Variants in ASB18 observed in about 807,000 individuals in gnomAD.
ASB18 encodes ankyrin repeat and SOCS box containing 18, also known as ankyrin repeat and SOCS box protein 18.
ASB18 carries 33 observed loss-of-function variants against 33.4 expected under a neutral mutation model. The ratio of observed to expected loss-of-function variants is 0.99; its 90% CI spans 0.75 to 1.32. The LOEUF (loss-of-function observed/expected upper bound fraction) is 1.32, where lower values mean the gene tolerates loss of function less well. Ranked by LOEUF, ASB18 falls within the 40% of genes most tolerant of loss-of-function variation. ASB18 has a pLI of 0.00. For missense variants in ASB18, 694 were observed against 655.5 expected (o/e 1.06, Z -0.64); for synonymous variants, 295 against 307.6 (o/e 0.96, Z 0.43).
At position 236,219,521 on chromosome 2, in the gene ASB18, C is replaced by T. The variant is rs1222132818; in HGVS notation, c.597-4655G>A. 1.3e-5 allele frequency among the ~76,000 whole-genome samples: 2 copies of T among 152,092 alleles called. No individual in the cohort carries two copies. The highest frequency in any genetic ancestry group is 2.9e-5 in the Non-Finnish European group (2 of 68,020). ...AGAGGCCTGGGCTGGCTGGGAGCTA[C>T]TCAGTGATAACAATCGTGGGGACCT... is the stretch of plus-strand genomic sequence containing the variant. On this transcript the variant is annotated intron_variant, in intron 3 of 5. Coordinates refer to ENST00000409749, the MANE Select transcript of ASB18 (RefSeq NM_212556.4). This position sits in a 1 kb window ranked among gnomAD's most constrained non-coding sequence, Gnocchi z 6.4.
intron 1 of ASB18, among the ~76,000 whole-genome samples, chr2:236,261,983 T>G (rs1285704874): frequency 6.6e-6 from 1 of 152,056 alleles, no homozygotes; most frequent in African/African-American, 2.4e-5. Flanking sequence ...CCACAACACG[T>G]GGGAATTGTG....
In ASB18 at chr2:236,245,011, T is replaced by C. The variant is rs1264678568; in HGVS notation, c.206-3609A>G. 6.6e-6 allele frequency among the ~76,000 whole-genome samples: 1 copy of C among 151,992 alleles called. No individual in the cohort carries two copies. The highest frequency in any genetic ancestry group is 2.4e-5 in the African/African-American group (1 of 41,370). On this transcript the variant is annotated intron_variant, in intron 1 of 5. Transcript: ENST00000409749. This position sits in a 1 kb window ranked among gnomAD's most constrained non-coding sequence, Gnocchi z 4.7. ...AGGGATGAGGCCACGTTTGGCAGTC[T>C]ATGATGCAGGGGGATAAGGGACAGA...
rs2060370570 is a variant in ASB18 at position 236,195,994 on chromosome 2, T to G, written c.1215+278A>C. Reference sequence around the variant, plus strand: ...GGATTCAGGCGGCTCTGGCCTTTCTTTGGACACTGGTTAAGGAACCCTCGC... The same window carrying G: ...GGATTCAGGCGGCTCTGGCCTTTCTGTGGACACTGGTTAAGGAACCCTCGC... On this transcript the variant is annotated intron_variant, in intron 5 of 5. Transcript: ENST00000409749. The surrounding 1 kb of genome is among the most constrained non-coding windows in gnomAD (Gnocchi z 5.5). 2 of 451,020 alleles carry G rather than the reference T, an allele frequency of 4.4e-6. No individual in the cohort carries two copies. Among genetic ancestry groups the G allele is most frequent in the Admixed American group, 6.8e-5 (2 of 29,268 alleles). The allele number at this position is 451,020 out of a possible 1,614,324, so 27.9% of individuals were successfully genotyped here. A position where few individuals can be genotyped will look rare whatever the true frequency, so the allele number is the denominator to read the frequency against.
In ASB18 at chr2:236,237,361, CGGGGGCCGGGGCCGGGGCGCGGGG is replaced by C. The variant is rs2060597829; in HGVS notation, c.596+304_596+327del. Among the ~76,000 whole-genome samples, 1 of 120,398 alleles carries C rather than the reference CGGGGGCCGGGGCCGGGGCGCGGGG, an allele frequency of 8.3e-6. No homozygotes were observed. The highest frequency in any genetic ancestry group is 7.8e-5 in the Admixed American group (1 of 12,834). 79.0% of individuals were successfully genotyped at this position (120,398 alleles called of 152,430 possible). A position where few individuals can be genotyped will look rare whatever the true frequency, so the allele number is the denominator to read the frequency against. On this transcript the variant is annotated intron_variant, in intron 3 of 5. Coordinates refer to ENST00000409749, the MANE Select transcript of ASB18 (RefSeq NM_212556.4). The surrounding 1 kb of genome is among the most constrained non-coding windows in gnomAD (Gnocchi z 6.2). ...CGGGGGCCGGGGCCGGGGCGCGGGG[CGGGGGCCGGGGCCGGGGCGCGGGG>C]CGGGGGCCGGGGCCGGGGCGCGGGG... is the stretch of plus-strand genomic sequence containing the variant.
rs149889496 is a variant in ASB18 at position 236,238,610 on chromosome 2, G to GGTGTGTGTGTGTGTGTGTGTGT, written c.329-655_329-654insACACACACACACACACACACAC. ...GGTTTGTTTCTTTGCGCTTTTTAGGGGTGTGTGTGTGTGTGTGTGTAGGGT... is the reference window on the plus strand; with the variant it reads ...GGTTTGTTTCTTTGCGCTTTTTAGGGGTGTGTGTGTGTGTGTGTGTGTGTGTGTGTGTGTGTGTGTGTAGGGT... On this transcript the variant is annotated intron_variant, in intron 2 of 5. Transcript: ENST00000409749. This position sits in a 1 kb window ranked among gnomAD's most constrained non-coding sequence, Gnocchi z 5.2. Among the ~76,000 whole-genome samples, 53 of 150,380 alleles carry GGTGTGTGTGTGTGTGTGTGTGT rather than the reference G, an allele frequency of 3.5e-4. No individual in the cohort carries two copies. Among genetic ancestry groups the GGTGTGTGTGTGTGTGTGTGTGT allele is most frequent in the African/African-American group, 1.2e-3 (48 of 40,888 alleles).
Position 236,222,540 on chromosome 2 carries a change from T to C in ASB18, c.597-7674A>G, listed in dbSNP as rs1292949190. Reference sequence around the variant, plus strand: ...ACAGTCAGCTCCACTGTGTGCCCCATGATATAGTTTGGATATTTATCACTG... The same window carrying C: ...ACAGTCAGCTCCACTGTGTGCCCCACGATATAGTTTGGATATTTATCACTG... On this transcript the variant is annotated intron_variant, in intron 3 of 5. Transcript: ENST00000409749. This position sits in a 1 kb window ranked among gnomAD's most constrained non-coding sequence, Gnocchi z 5.5. Among the ~76,000 whole-genome samples, 1 of 152,232 alleles carries C rather than the reference T, an allele frequency of 6.6e-6. No individual in the cohort carries two copies. The highest frequency in any genetic ancestry group is 1.5e-5 in the Non-Finnish European group (1 of 68,042).
intron 4 of ASB18, among the ~76,000 whole-genome samples, chr2:236,212,237 G>A (rs1264914620): frequency 6.6e-6 from 1 of 152,174 alleles, no homozygotes; most frequent in Non-Finnish European, 1.5e-5. Flanking sequence ...CCCCATTTCT[G>A]TGTGGCTGAC....
chr2:236,205,871 T>C lies in ASB18; in HGVS notation c.1101+8491A>G, dbSNP rs1227904480. On this transcript the variant is annotated intron_variant, in intron 4 of 5. Transcript: ENST00000409749. This position sits in a 1 kb window ranked among gnomAD's most constrained non-coding sequence, Gnocchi z 5.4. Reference sequence around the variant, plus strand: ...ATGTTACTATTACAGCAGAAACATCTGAGTCCAGCCTGGTTTTTATTCCTT... The same window carrying C: ...ATGTTACTATTACAGCAGAAACATCCGAGTCCAGCCTGGTTTTTATTCCTT... 6.6e-6 allele frequency among the ~76,000 whole-genome samples: 1 copy of C among 152,250 alleles called. No homozygotes were observed. The highest frequency in any genetic ancestry group is 1.5e-5 in the Non-Finnish European group (1 of 68,046).
chr2:236,247,477 G>A (rs567851029), intron 1 of ASB18: 1 of 152,244 alleles, frequency 6.6e-6, no homozygotes, highest in South Asian at 2.1e-4. Context: ...AGTTCTTTAG[G>A]TTTCTTTCCC....
In ASB18 at chr2:236,259,506, G is replaced by C. The variant is rs1361238501; in HGVS notation, c.205+4635C>G. 1 of 470,944 alleles carries C rather than the reference G, an allele frequency of 2.1e-6. No homozygotes were observed. Among genetic ancestry groups the C allele is most frequent in the African/African-American group, 2.0e-5 (1 of 50,106 alleles). The allele number at this position is 470,944 out of a possible 1,614,324, so 29.2% of individuals were successfully genotyped here. On this transcript the variant is annotated intron_variant, in intron 1 of 5. Coordinates refer to ENST00000409749, the MANE Select transcript of ASB18 (RefSeq NM_212556.4). This position sits in a 1 kb window ranked among gnomAD's most constrained non-coding sequence, Gnocchi z 4.4. ...ACTAAGGGCTTTATGCTTTCATGCA[G>C]GGAGGATGCACGATTTCTGTCCCAG... is the stretch of plus-strand genomic sequence containing the variant.
chr2:236,254,508 C>T (rs1274363663), intron 1 of ASB18, among the ~76,000 whole-genome samples: 1 of 151,722 alleles, frequency 6.6e-6, no homozygotes, highest in Admixed American at 6.6e-5. Context: ...ATTTGGGAAA[C>T]GTTTGGTAGT....
rs922139200 is a variant in ASB18 at position 236,208,336 on chromosome 2, C to T, written c.1101+6026G>A. Among the ~76,000 whole-genome samples the T allele has an allele frequency of 2.0e-5, 3 of 152,128 alleles. No individual in the cohort carries two copies. Among genetic ancestry groups the T allele is most frequent in the African/African-American group, 4.8e-5 (2 of 41,430 alleles). Reference sequence around the variant, plus strand: ...CACTAACATGCCATTTCCTCGTGCACGGCAGTCTCTGATTTCAATCATCCC... The same window carrying T: ...CACTAACATGCCATTTCCTCGTGCATGGCAGTCTCTGATTTCAATCATCCC... On this transcript the variant is annotated intron_variant, in intron 4 of 5. Transcript: ENST00000409749. The surrounding 1 kb of genome is among the most constrained non-coding windows in gnomAD (Gnocchi z 7.7).
intron 3 of ASB18, among the ~76,000 whole-genome samples, chr2:236,218,530 G>C (rs2060497953): frequency 6.6e-6 from 1 of 152,124 alleles, no homozygotes; most frequent in South Asian, 2.1e-4. Context: ...CGGATGTGGT[G>C]GTTCACGCCT....
Position 236,213,189 on chromosome 2 carries a change from G to C in ASB18, c.1101+1173C>G, listed in dbSNP as rs1488030628. The stretch of plus-strand genomic sequence containing the variant: ...TCATTGCCTTAGTGGAGCACCACAA[G>C]ACAATTACCCAAAGAGGGGGTGAGA... On this transcript the variant is annotated intron_variant, in intron 4 of 5. Coordinates refer to ENST00000409749, the MANE Select transcript of ASB18 (RefSeq NM_212556.4). The surrounding 1 kb of genome is among the most constrained non-coding windows in gnomAD (Gnocchi z 4.8). Among the ~76,000 whole-genome samples, 1 of 151,706 alleles carries C rather than the reference G, an allele frequency of 6.6e-6. No homozygotes were observed. Among genetic ancestry groups the C allele is most frequent in the African/African-American group, 2.4e-5 (1 of 41,312 alleles).
In ASB18 at chr2:236,260,509, A is replaced by G. The variant is rs559650990; in HGVS notation, c.205+3632T>C. 6.6e-6 allele frequency among the ~76,000 whole-genome samples: 1 copy of G among 152,318 alleles called. No individual in the cohort carries two copies. Among genetic ancestry groups the G allele is most frequent in the South Asian group, 2.1e-4 (1 of 4,828 alleles). ...TAGAATCCAAACAGCTCTTTCTCCC[A>G]TCAAGGATGGTCCCCCCAAACTCGC... On this transcript the variant is annotated intron_variant, in intron 1 of 5. Coordinates refer to ENST00000409749, the MANE Select transcript of ASB18 (RefSeq NM_212556.4). The surrounding 1 kb of genome is among the most constrained non-coding windows in gnomAD (Gnocchi z 5.1).
Position 236,245,420 on chromosome 2 carries a change from G to A in ASB18, c.206-4018C>T, listed in dbSNP as rs755977533. Reference sequence around the variant, plus strand: ...ATAGCCAGTGCCCAAGCACCTTCCCGTGAGTAAAAGGGCTTCCTACCTTGC... The same window carrying A: ...ATAGCCAGTGCCCAAGCACCTTCCCATGAGTAAAAGGGCTTCCTACCTTGC... On this transcript the variant is annotated intron_variant, in intron 1 of 5. Transcript: ENST00000409749. This position sits in a 1 kb window ranked among gnomAD's most constrained non-coding sequence, Gnocchi z 4.7. Among the ~76,000 whole-genome samples the A allele has an allele frequency of 3.3e-5, 5 of 152,208 alleles. No individual in the cohort carries two copies. The highest frequency in any genetic ancestry group is 5.9e-5 in the Non-Finnish European group (4 of 68,042).
In ASB18 at chr2:236,194,518, T is replaced by G. The variant is rs1376577696; in HGVS notation, c.*354A>C. 6.6e-6 allele frequency among the ~76,000 whole-genome samples: 1 copy of G among 152,198 alleles called. No homozygotes were observed. The highest frequency in any genetic ancestry group is 1.5e-5 in the Non-Finnish European group (1 of 68,040). ...TTGGGAAAACTGGCATTGTTATACCTCATTTAGCTTAAAGCTGGTTCCCTA... is the reference window on the plus strand; with the variant it reads ...TTGGGAAAACTGGCATTGTTATACCGCATTTAGCTTAAAGCTGGTTCCCTA... On this transcript the variant is annotated 3_prime_UTR_variant, in exon 6 of 6. Transcript: ENST00000409749. This position sits in a 1 kb window ranked among gnomAD's most constrained non-coding sequence, Gnocchi z 4.5.
Position 236,209,812 on chromosome 2 carries a change from A to G in ASB18, c.1101+4550T>C, listed in dbSNP as rs528383012. Among the ~76,000 whole-genome samples the G allele has an allele frequency of 1.6e-4, 25 of 152,358 alleles. 1 individual carries two copies. In the Middle Eastern group the frequency reaches 0.017, roughly 104 times the overall value. On this transcript the variant is annotated intron_variant, in intron 4 of 5. Coordinates refer to ENST00000409749, the MANE Select transcript of ASB18 (RefSeq NM_212556.4). The surrounding 1 kb of genome is among the most constrained non-coding windows in gnomAD (Gnocchi z 4.4). ...AGGCCCTGCCTGGCTGCCTAGTCTCAACTGGTGCCCCCTAGCTGTTTCCTC... is the reference window on the plus strand; with the variant it reads ...AGGCCCTGCCTGGCTGCCTAGTCTCGACTGGTGCCCCCTAGCTGTTTCCTC...
Position 236,248,604 on chromosome 2 carries a change from AAAG to A in ASB18, c.206-7205_206-7203del, listed in dbSNP as rs899235538. 4 of 152,118 alleles carry A rather than the reference AAAG, an allele frequency of 2.6e-5. No individual in the cohort carries two copies. The highest frequency in any genetic ancestry group is 9.7e-5 in the African/African-American group (4 of 41,382). The allele number at this position is 152,118 out of a possible 1,614,324, so 9.4% of individuals were successfully genotyped here. A position where few individuals can be genotyped will look rare whatever the true frequency, so the allele number is the denominator to read the frequency against. On this transcript the variant is annotated intron_variant, in intron 1 of 5. Coordinates refer to ENST00000409749, the MANE Select transcript of ASB18 (RefSeq NM_212556.4). This position sits in a 1 kb window ranked among gnomAD's most constrained non-coding sequence, Gnocchi z 4.9. The stretch of plus-strand genomic sequence containing the variant: ...CAAGACTCCGTCTCAAAAAAAAAAA[AAAG>A]AAAGAAAAAAGAGTCCCCAGGTACT...
Sources: gnomAD v4.1 joint callset for allele counts (sites outside exome capture counted in the v4.1 genomes callset) on GRCh38, gnomAD v4.1.1 for gene constraint, Gnocchi (gnomAD v3.1) non-coding constraint, MANE v1.5 for transcripts, NCBI Gene and HGNC (gene_info 2026-07-23, HGNC 2026-07-21) for gene names.